The following TRIM44 variants were observed in gnomAD, a reference collection of about 807,000 sequenced individuals.
The protein encoded by TRIM44 is tripartite motif-containing protein 44.
In TRIM44, 13 loss-of-function variants were observed where a neutral mutation model predicts 37.4. That is an observed-to-expected ratio of 0.35 (90% confidence interval 0.23 to 0.55). The LOEUF (loss-of-function observed/expected upper bound fraction) is 0.55. Ranked by LOEUF, TRIM44 falls within the 20% of genes least tolerant of loss-of-function variation. The pLI is 0.89. For missense variants in TRIM44, 426 were observed against 437.2 expected (o/e 0.97, Z 0.23); for synonymous variants, 175 against 157.2 (o/e 1.11, Z -0.85).
In TRIM44 at chr11:35,663,696, G is replaced by C. The variant is rs763132901; in HGVS notation, c.585G>C (p.Gln195His). The C allele has an allele frequency of 2.6e-5, 42 of 1,614,050 alleles. No homozygotes were observed. The highest frequency in any genetic ancestry group is 1.6e-4 in the Middle Eastern group (1 of 6,084). Reference sequence around the variant, plus strand: ...GTACCTATTGCCAGGAAGATAGGCAGCTCATCTGTGTCCTGTGTCCAGTCA... The same window carrying C: ...GTACCTATTGCCAGGAAGATAGGCACCTCATCTGTGTCCTGTGTCCAGTCA... ...DLSTYCQEDR[Q>H]LICVLCPVIG... Residue 195 changes from glutamine (Q) to histidine (H), a missense_variant, in exon 1 of 5, where the codon CAG (glutamine) becomes CAC (histidine). Coordinates refer to ENST00000299413, the MANE Select transcript of TRIM44 (RefSeq NM_017583.6).
At chr11:35,689,672 A>T (rs1851618651) in intron 2 of TRIM44, among the ~76,000 whole-genome samples, 1 of 152,152 alleles carries the variant, frequency 6.6e-6, no homozygotes, top group African/African-American at 2.4e-5. Flanking sequence ...TGGATTTTTA[A>T]GAAATTTAGA....
rs547754768 is a variant in TRIM44, at chr11:35,793,299, C to T, written c.1008-13059C>T. Among the ~76,000 whole-genome samples the T allele has an allele frequency of 7.9e-5, 12 of 152,004 alleles. No individual in the cohort carries two copies. The East Asian group carries it at 9.6e-4, about 12-fold the overall frequency. On this transcript the variant is annotated intron_variant, in intron 4 of 4. Transcript: ENST00000299413. Reference sequence around the variant, plus strand: ...CAGCACTTTGGGAGGCTGGGGCAGCCGGATCACCTGAGGTCAGGAGTTCGA... The same window carrying T: ...CAGCACTTTGGGAGGCTGGGGCAGCTGGATCACCTGAGGTCAGGAGTTCGA...
chr11:35,664,338 G>A (rs1042957829), intron 1 of TRIM44, among the ~76,000 whole-genome samples: 5 of 152,222 alleles, frequency 3.3e-5, no homozygotes, highest in African/African-American at 9.6e-5. Context: ...CCAAATTGGG[G>A]TGGGAGTGGA....
intron 1 of TRIM44, among the ~76,000 whole-genome samples, chr11:35,674,036 G>A (rs1315020873): frequency 6.6e-6 from 1 of 152,038 alleles, no homozygotes; most frequent in East Asian, 1.9e-4. Context: ...AGAACCAGGG[G>A]CTAAACTTGT....
At chr11:35,681,952 CTTTTTTTTTTTTT>C (rs35760830) in intron 1 of TRIM44, among the ~76,000 whole-genome samples, 3 of 101,366 alleles carry the variant, frequency 3.0e-5, no homozygotes, top group Admixed American at 2.6e-4. Flanking sequence ...ATGTCCCATA[CTTTTTTTTTTTTT>C]TTTTTTTTTT....
intron 1 of TRIM44, among the ~76,000 whole-genome samples, chr11:35,665,582 ATC>A (rs147355040): frequency 0.11 from 10,565 of 96,660 alleles, 702 homozygotes; most frequent in Non-Finnish European, 0.16. Context: ...GTTTTTATAT[ATC>A]TGTTTTTTTT....
At chr11:35,739,673 G>A (rs1050842090) in intron 4 of TRIM44, among the ~76,000 whole-genome samples, 1 of 152,104 alleles carries the variant, frequency 6.6e-6, no homozygotes, top group African/African-American at 2.4e-5. Flanking sequence ...AGCCAACTAA[G>A]CCTGCCTTTG....
intron 2 of TRIM44, among the ~76,000 whole-genome samples, chr11:35,699,655 G>T (rs60621466): frequency 0.011 from 1,612 of 151,648 alleles, 32 homozygotes; most frequent in African/African-American, 0.037. Context: ...AAAAGAGGAA[G>T]TCAAATTGTC....
At chr11:35,743,381 A>T (rs950486344) in intron 4 of TRIM44, among the ~76,000 whole-genome samples, 2 of 152,194 alleles carry the variant, frequency 1.3e-5, no homozygotes, top group Non-Finnish European at 2.9e-5. Flanking sequence ...TCTGAATCTT[A>T]CAGGTTTCTT....
rs115511299 is a variant in TRIM44, at chr11:35,798,557, G to A, written c.1008-7801G>A. Among the ~76,000 whole-genome samples the A allele has an allele frequency of 8.2e-3, 1,255 of 152,210 alleles. 15 individuals carry two copies. The highest frequency in any genetic ancestry group is 0.028 in the African/African-American group (1,163 of 41,518). On this transcript the variant is annotated intron_variant, in intron 4 of 4. Transcript: ENST00000299413. ...AAAAATTAAAGCTTATAAAACAAAT[G>A]CAAACATGCCTTTGGACCCAGGAGG...
intron 4 of TRIM44, among the ~76,000 whole-genome samples, chr11:35,740,770 C>G (rs1335751246): frequency 1.3e-5 from 2 of 152,184 alleles, no homozygotes; most frequent in Non-Finnish European, 2.9e-5. Context: ...CCTCTTCACT[C>G]TTTCCTCCAC....
intron 1 of TRIM44, among the ~76,000 whole-genome samples, chr11:35,665,528 C>A (rs1186447): frequency 1.4e-5 from 2 of 138,360 alleles, no homozygotes; most frequent in Non-Finnish European, 3.2e-5. Flanking sequence ...CTAGTCAGTT[C>A]TTTTGCCCAT....
intron 4 of TRIM44, among the ~76,000 whole-genome samples, chr11:35,770,538 T>C (rs1852853231): frequency 6.6e-6 from 1 of 152,202 alleles, no homozygotes; most frequent in Admixed American, 6.5e-5. Context: ...CTTTTCTCCA[T>C]AGCCTCACCA....
At chr11:35,796,876 T>TC (rs1207181772) in intron 4 of TRIM44, among the ~76,000 whole-genome samples, 2 of 152,288 alleles carry the variant, frequency 1.3e-5, no homozygotes, top group African/African-American at 4.8e-5. Flanking sequence ...ACACACTGTA[T>TC]CCCATGCCAG....
At chr11:35,775,651 C>T (rs970905630) in intron 4 of TRIM44, among the ~76,000 whole-genome samples, 6 of 152,110 alleles carry the variant, frequency 3.9e-5, no homozygotes, top group Non-Finnish European at 5.9e-5. Flanking sequence ...CCCATCAGTA[C>T]CTAGTTTATG....
intron 4 of TRIM44, among the ~76,000 whole-genome samples, chr11:35,780,060 T>G (rs573087135): frequency 7.9e-5 from 12 of 152,246 alleles, no homozygotes; most frequent in African/African-American, 2.6e-4. Flanking sequence ...GCTTTGTTCT[T>G]TTTGCTTAGG....
intron 4 of TRIM44, among the ~76,000 whole-genome samples, chr11:35,784,793 T>C (rs1853108669): frequency 6.6e-6 from 1 of 152,220 alleles, no homozygotes; most frequent in Admixed American, 6.5e-5. Context: ...CAGGTTTTTA[T>C]TGCTGAAAAT....
chr11:35,742,978 T>G (rs1391433569), intron 4 of TRIM44, among the ~76,000 whole-genome samples: 1 of 151,816 alleles, frequency 6.6e-6, no homozygotes, highest in East Asian at 1.9e-4. Context: ...CTGCAAGCTC[T>G]TAACTATTGC....
rs1853575970 is a variant in TRIM44, at chr11:35,815,922, A to G, written c.*9537A>G. ...GCCTTCAGAAAAAGACAATTTTACAATGACTTACTTCTAATAATCACTGAA... is the reference window on the plus strand; with the variant it reads ...GCCTTCAGAAAAAGACAATTTTACAGTGACTTACTTCTAATAATCACTGAA... On this transcript the variant is annotated 3_prime_UTR_variant, in exon 5 of 5. Coordinates refer to ENST00000299413, the MANE Select transcript of TRIM44 (RefSeq NM_017583.6). 3 of 152,308 alleles carry G rather than the reference A, an allele frequency of 2.0e-5. 1 individual carries two copies. Among genetic ancestry groups the G allele is most frequent in the South Asian group, 4.1e-4 (2 of 4,822 alleles). The allele number at this position is 152,308 out of a possible 1,614,324, so 9.4% of individuals were successfully genotyped here.
Sources: allele counts gnomAD v4.1 joint callset (sites outside exome capture counted in the v4.1 genomes callset), GRCh38; gene constraint gnomAD v4.1.1; transcripts MANE v1.5; gene names NCBI Gene and HGNC (gene_info 2026-07-23, HGNC 2026-07-21).